The following FSTL4 variants were observed in gnomAD, a reference collection of about 807,000 sequenced individuals.
FSTL4 encodes the protein follistatin-related protein 4.
A neutral mutation model predicts 78.2 loss-of-function variants in FSTL4; 28 were observed. The observed-to-expected ratio is 0.36, with a 90% confidence interval of 0.27 to 0.49. The LOEUF (loss-of-function observed/expected upper bound fraction) is 0.49, where lower values mean the gene tolerates loss of function less well. Ranked by LOEUF, FSTL4 falls within the 20% of genes least tolerant of loss-of-function variation. FSTL4 has a pLI of 0.98. For synonymous variants in FSTL4, 422 were observed against 440.5 expected, an observed-to-expected ratio of 0.96 and a Z score of 0.53; for missense variants, 922 against 1,084.9, an observed-to-expected ratio of 0.85 and a Z score of 2.11.
intron 4 of FSTL4, among the ~76,000 whole-genome samples, chr5:133,356,821 C>A (rs1245959336): frequency 6.6e-6 from 1 of 152,244 alleles, no homozygotes; most frequent in African/African-American, 2.4e-5. Context: ...CAGCTTCCTG[C>A]AGGACTTTTA....
At chr5:133,516,051 A>C (rs1398243605) in intron 3 of FSTL4, among the ~76,000 whole-genome samples, 1 of 152,110 alleles carries the variant, frequency 6.6e-6, no homozygotes, top group African/African-American at 2.4e-5. Flanking sequence ...TTTTTTTGAA[A>C]GACTAACGTG....
intron 6 of FSTL4, among the ~76,000 whole-genome samples, chr5:133,264,140 C>T (rs953278261): frequency 2.0e-5 from 3 of 152,142 alleles, no homozygotes; most frequent in South Asian, 2.1e-4. Context: ...TGCCATGGAA[C>T]AGCTCAAAAT....
At chr5:133,731,945 T>C in the FSTL4 span, among the ~76,000 whole-genome samples, 3 of 152,298 alleles carry the variant, frequency 2.0e-5, no homozygotes, top group East Asian at 5.8e-4. Context: ...CACCAGCCCC[T>C]TTTTTCCAGA....
At chr5:133,537,213 A>C (rs1419679330) in intron 3 of FSTL4, among the ~76,000 whole-genome samples, 2 of 152,234 alleles carry the variant, frequency 1.3e-5, no homozygotes. Context: ...ACAAGTTAAT[A>C]CACTGTTCAT....
At chr5:133,625,209 C>T in the FSTL4 span, among the ~76,000 whole-genome samples, 1 of 151,520 alleles carries the variant, frequency 6.6e-6, no homozygotes, top group Non-Finnish European at 1.5e-5. Context: ...GTTAGGTCCT[C>T]AAACATTTTG....
chr5:133,700,466 C>T, the FSTL4 span, among the ~76,000 whole-genome samples: 3 of 152,150 alleles, frequency 2.0e-5, no homozygotes, highest in Admixed American at 2.0e-4. Context: ...ACCAAGCCAC[C>T]ACACCAAACC....
intron 6 of FSTL4, among the ~76,000 whole-genome samples, chr5:133,280,928 T>C (rs1394734504): frequency 6.6e-6 from 1 of 152,198 alleles, no homozygotes; most frequent in East Asian, 1.9e-4. Flanking sequence ...AACTACCCTA[T>C]CTAGAGTAGA....
At chr5:133,401,115 G>C in intron 3 of FSTL4, 129 bp from the exon 4 acceptor site, 3 of 991,072 alleles carry the variant, frequency 3.0e-6, no homozygotes, top group Non-Finnish European at 4.5e-6. Context: ...GGTGGGGCCT[G>C]GGGGCTTGGG....
chr5:133,683,871 C>T, the FSTL4 span, among the ~76,000 whole-genome samples: 1 of 152,196 alleles, frequency 6.6e-6, no homozygotes, highest in African/African-American at 2.4e-5. Context: ...GCCCTCCCTG[C>T]TGGGGCGAAG....
At position 133,611,364 on chromosome 5, in the gene FSTL4, C is replaced by T. The variant is rs1419528304; in HGVS notation, c.-11+961G>A. ...GGGCACAAAGTCCTCAGGTGGCAGG[C>T]CTGGGGTTGGCGCCGCTTTGTCGGC... On this transcript the variant is annotated intron_variant, in intron 1 of 15. Coordinates refer to ENST00000265342, the MANE Select transcript of FSTL4 (RefSeq NM_015082.2). The surrounding 1 kb of genome is among the most constrained non-coding windows in gnomAD (Gnocchi z 4.9). 6.6e-6 allele frequency among the ~76,000 whole-genome samples: 1 copy of T among 152,226 alleles called. No homozygotes were observed. Among genetic ancestry groups the T allele is most frequent in the Non-Finnish European group, 1.5e-5 (1 of 68,036 alleles).
intron 3 of FSTL4, among the ~76,000 whole-genome samples, chr5:133,411,857 A>G (rs1756482657): frequency 6.6e-6 from 1 of 152,230 alleles, no homozygotes; most frequent in South Asian, 2.1e-4. Flanking sequence ...GAGAATTATG[A>G]AACTAGTTGG....
intron 3 of FSTL4, among the ~76,000 whole-genome samples, chr5:133,465,782 G>A (rs1452179060): frequency 6.6e-6 from 1 of 152,266 alleles, no homozygotes; most frequent in Non-Finnish European, 1.5e-5. Flanking sequence ...TCTAAGGTGG[G>A]AGGAAGAAAG....
chr5:133,437,978 T>G (rs980964909), intron 3 of FSTL4, among the ~76,000 whole-genome samples: 1 of 152,196 alleles, frequency 6.6e-6, no homozygotes, highest in African/African-American at 2.4e-5. Context: ...TGGTTGGAAT[T>G]TATAGCTACT....
intron 3 of FSTL4, among the ~76,000 whole-genome samples, chr5:133,560,103 T>C (rs1219404005): frequency 1.3e-5 from 2 of 152,208 alleles, no homozygotes; most frequent in African/African-American, 4.8e-5. Context: ...CCAAAACTTG[T>C]GCCTGCACAG....
At chr5:133,606,385 G>T (rs1485247274) in intron 1 of FSTL4, among the ~76,000 whole-genome samples, 1 of 152,194 alleles carries the variant, frequency 6.6e-6, no homozygotes, top group Non-Finnish European at 1.5e-5. Context: ...CTCCCAAAGT[G>T]CTGGTATTAT....
At chr5:133,221,907 T>TTTTTTTTTG in intron 11 of FSTL4, among the ~76,000 whole-genome samples, 2 of 114,116 alleles carry the variant, frequency 1.8e-5, no homozygotes, top group African/African-American at 4.4e-5. Flanking sequence ...TTTTTTTTTT[T>TTTTTTTTTG]TTTTTTTTTT....
intron 4 of FSTL4, among the ~76,000 whole-genome samples, chr5:133,330,905 T>C (rs1243140273): frequency 6.6e-6 from 1 of 152,200 alleles, no homozygotes; most frequent in Admixed American, 6.5e-5. Flanking sequence ...TGTGTGTGCA[T>C]ATGTGCTGAA....
the FSTL4 span, among the ~76,000 whole-genome samples, chr5:133,673,352 C>T: frequency 6.6e-6 from 1 of 152,212 alleles, no homozygotes; most frequent in East Asian, 1.9e-4. Flanking sequence ...CAGGGCAGAG[C>T]AGCCCCAGCC....
At chr5:133,421,856 C>A (rs1207886454) in intron 3 of FSTL4, among the ~76,000 whole-genome samples, 2 of 152,184 alleles carry the variant, frequency 1.3e-5, no homozygotes, top group Non-Finnish European at 1.5e-5. Flanking sequence ...ACAAAACATA[C>A]AAAAATCCCT....
Sources: allele counts gnomAD v4.1 joint callset (sites outside exome capture counted in the v4.1 genomes callset), GRCh38; gene constraint gnomAD v4.1.1; non-coding constraint Gnocchi (gnomAD v3.1); transcripts MANE v1.5; gene names NCBI Gene and HGNC (gene_info 2026-07-23, HGNC 2026-07-21).